NAV3: variants seen among roughly 807,000 people sequenced by gnomAD.
NAV3 encodes neuron navigator 3.
Under a neutral mutation model 244.7 loss-of-function variants are expected in NAV3, and 87 were observed. The ratio of observed to expected loss-of-function variants is 0.36; its 90% CI spans 0.30 to 0.42. The LOEUF (loss-of-function observed/expected upper bound fraction) is 0.42. NAV3 is among the 20% of genes least tolerant of loss of function. The pLI, the probability that NAV3 is intolerant of heterozygous loss-of-function variation, is 1.00. For missense variants in NAV3, 2,663 were observed against 2,893.3 expected (o/e 0.92, Z 1.83); for synonymous variants, 1,126 against 1,042.2 (o/e 1.08, Z -1.55).
At chr12:77,614,750 C>T (rs1020941457) in intron 2 of NAV3, among the ~76,000 whole-genome samples, 1 of 152,162 alleles carries the variant, frequency 6.6e-6, no homozygotes, top group Non-Finnish European at 1.5e-5. Context: ...TGTGCTTTCA[C>T]ATACTTGTTA....
intron 2 of NAV3, among the ~76,000 whole-genome samples, chr12:77,724,487 C>T (rs752904344): frequency 2.0e-4 from 30 of 151,886 alleles, no homozygotes; most frequent in Non-Finnish European, 2.9e-4. Flanking sequence ...AATAATATCT[C>T]AAGTGCTCAA....
chr12:77,811,026 CTT>C, intron 2 of NAV3, among the ~76,000 whole-genome samples: 1 of 152,254 alleles, frequency 6.6e-6, no homozygotes, highest in South Asian at 2.1e-4. Context: ...AGAAATTTAA[CTT>C]TTAAAATTTA....
At chr12:78,200,705 C>A in intron 38 of NAV3, 114 bp downstream of exon 38, 1 of 511,328 alleles carries the variant, frequency 2.0e-6, no homozygotes, top group Non-Finnish European at 3.3e-6. Flanking sequence ...AAGGCATGAA[C>A]TATATGAATA....
chr12:78,167,616 A>G (rs1957833232), intron 23 of NAV3, among the ~76,000 whole-genome samples: 2 of 151,540 alleles, frequency 1.3e-5, no homozygotes, highest in East Asian at 1.9e-4. Flanking sequence ...TCTTTTTAAA[A>G]TATATATTCT....
chr12:78,126,643 A>C (rs950715576), intron 16 of NAV3, among the ~76,000 whole-genome samples: 1 of 152,052 alleles, frequency 6.6e-6, no homozygotes, highest in Non-Finnish European at 1.5e-5. Flanking sequence ...GAATCAATTA[A>C]GTTTTAAGCA....
At chr12:77,717,071 A>G (rs906439528) in intron 2 of NAV3, among the ~76,000 whole-genome samples, 1 of 151,992 alleles carries the variant, frequency 6.6e-6, no homozygotes, top group Non-Finnish European at 1.5e-5. Context: ...GTGTAGGTGT[A>G]TGTGGAGAAT....
intron 2 of NAV3, among the ~76,000 whole-genome samples, chr12:77,779,853 G>A (rs144441348): frequency 1.2e-4 from 19 of 152,266 alleles, no homozygotes; most frequent in African/African-American, 3.4e-4. Context: ...AAGGGGCAGC[G>A]TGGTTGTTTA....
At chr12:77,756,952 A>G (rs2135822019) in intron 2 of NAV3, among the ~76,000 whole-genome samples, 1 of 152,328 alleles carries the variant, frequency 6.6e-6, no homozygotes, top group Middle Eastern at 3.4e-3. Context: ...TACTACTCCC[A>G]TAAGAAGAAA....
At chr12:78,020,033 A>C (rs1187905762) in intron 8 of NAV3, among the ~76,000 whole-genome samples, 4 of 152,218 alleles carry the variant, frequency 2.6e-5, no homozygotes, top group African/African-American at 7.2e-5. Context: ...CAATACAATG[A>C]ATATGATTGA....
At chr12:77,873,923 A>T (rs1444677972) in intron 1 of NAV3, among the ~76,000 whole-genome samples, 1 of 151,106 alleles carries the variant, frequency 6.6e-6, no homozygotes, top group Non-Finnish European at 1.5e-5. Flanking sequence ...TGGCCTGTTT[A>T]GGAACCAGAT....
At chr12:77,737,108 T>A (rs1848625255) in intron 2 of NAV3, among the ~76,000 whole-genome samples, 1 of 150,680 alleles carries the variant, frequency 6.6e-6, no homozygotes, top group African/African-American at 2.5e-5. Flanking sequence ...TTCACTCAGA[T>A]GAGGGAGGCA....
At chr12:78,199,589 C>A (rs140650521) in intron 37 of NAV3, 58 bp downstream of exon 37, 1 of 1,253,516 alleles carries the variant, frequency 8.0e-7, no homozygotes. Flanking sequence ...TTGGTAAAGA[C>A]GGCCAGATTG....
Position 77,915,729 on chromosome 12 carries a change from G to A in NAV3, c.244-24590G>A, listed in dbSNP as rs376409622. Among the ~76,000 whole-genome samples the A allele has an allele frequency of 6.6e-5, 10 of 151,994 alleles. No homozygotes were observed. The East Asian group carries it at 7.7e-4, about 12-fold the overall frequency. ...CATTATTATGGTCTCTAGTAGAGCT[G>A]TAAAGACAAAAAAGTTGCAAAATTG... On this transcript the variant is annotated intron_variant, in intron 1 of 39. Coordinates refer to ENST00000397909, the MANE Select transcript of NAV3 (RefSeq NM_001024383.2).
At chr12:78,207,022 C>A (rs1356896667) in intron 39 of NAV3, among the ~76,000 whole-genome samples, 1 of 151,814 alleles carries the variant, frequency 6.6e-6, no homozygotes, top group Non-Finnish European at 1.5e-5. Flanking sequence ...CCATGCCTGG[C>A]TAATTTTGTA....
chr12:77,628,297 T>C (rs1198427929), intron 2 of NAV3, among the ~76,000 whole-genome samples: 9 of 152,234 alleles, frequency 5.9e-5, no homozygotes, highest in Middle Eastern at 3.4e-3. Flanking sequence ...TCAATAAAAA[T>C]ATTTTAACAC....
At chr12:77,701,047 T>C (rs1331366216) in intron 2 of NAV3, among the ~76,000 whole-genome samples, 2 of 151,932 alleles carry the variant, frequency 1.3e-5, no homozygotes, top group Non-Finnish European at 2.9e-5. Context: ...ATGTGAGGTT[T>C]GGTATCAGGA....
intron 1 of NAV3, among the ~76,000 whole-genome samples, chr12:77,929,697 A>G (rs1888583006): frequency 6.6e-6 from 1 of 151,016 alleles, no homozygotes; most frequent in South Asian, 2.1e-4. Flanking sequence ...CAGCAGCATG[A>G]TCTCGGCTCA....
At chr12:77,712,690 C>T (rs1226949890) in intron 2 of NAV3, among the ~76,000 whole-genome samples, 1 of 152,128 alleles carries the variant, frequency 6.6e-6, no homozygotes, top group Non-Finnish European at 1.5e-5. Context: ...TTTTTCTTTA[C>T]AAATGGGGTT....
chr12:77,767,732 G>T (rs907907479), intron 2 of NAV3, among the ~76,000 whole-genome samples: 2 of 152,214 alleles, frequency 1.3e-5, no homozygotes, highest in Non-Finnish European at 2.9e-5. Flanking sequence ...GGAGACACCA[G>T]AAACTGCAGA....
Sources: gnomAD v4.1 joint callset for allele counts (sites outside exome capture counted in the v4.1 genomes callset) on GRCh38, gnomAD v4.1.1 for gene constraint, MANE v1.5 for transcripts, NCBI Gene and HGNC (gene_info 2026-07-23, HGNC 2026-07-21) for gene names.